CASR: variants seen among roughly 807,000 people sequenced by gnomAD.
CASR encodes extracellular calcium-sensing receptor.
A neutral mutation model predicts 69.1 loss-of-function variants in CASR; 23 were observed. The ratio of observed to expected loss-of-function variants is 0.33; its 90% CI spans 0.24 to 0.47. The LOEUF is 0.47. Among genes scored for constraint, CASR ranks in the 20% least tolerant of loss-of-function variants. CASR has a pLI of 1.00. For missense variants in CASR, 924 were observed against 1,356.1 expected, an observed-to-expected ratio of 0.68 and a Z score of 5.00; for synonymous variants, 541 against 544.7, an observed-to-expected ratio of 0.99 and a Z score of 0.10.
At chr3:122,251,609 G>C (rs2074484529) in intron 1 of CASR, among the ~76,000 whole-genome samples, 1 of 152,232 alleles carries the variant, frequency 6.6e-6, no homozygotes, top group East Asian at 1.9e-4. Flanking sequence ...AGGGACCAAG[G>C]AGGGGAACAG....
At chr3:122,249,049 C>T (rs992279793) in intron 1 of CASR, among the ~76,000 whole-genome samples, 3 of 152,140 alleles carry the variant, frequency 2.0e-5, no homozygotes, top group Non-Finnish European at 4.4e-5. Flanking sequence ...GTGGGGTGAC[C>T]CCTTCCTTGT....
chr3:122,278,727 A>G (rs895225498), intron 5 of CASR, among the ~76,000 whole-genome samples: 1 of 152,210 alleles, frequency 6.6e-6, no homozygotes, highest in Non-Finnish European at 1.5e-5. Context: ...CTTGACTGGT[A>G]TAAAGCAGAG....
At chr3:122,253,448 G>A (rs2074519561) in intron 1 of CASR, among the ~76,000 whole-genome samples, 1 of 152,120 alleles carries the variant, frequency 6.6e-6, no homozygotes, top group Non-Finnish European at 1.5e-5. Flanking sequence ...TCACCATGTT[G>A]GTCAAGCTGA....
intron 1 of CASR, among the ~76,000 whole-genome samples, chr3:122,195,803 T>C (rs1217361533): frequency 6.6e-6 from 1 of 152,214 alleles, no homozygotes; most frequent in Non-Finnish European, 1.5e-5. Context: ...ATGTAGTTTA[T>C]GGAATCTTTT....
chr3:122,283,032 G>A (rs2074911778), intron 6 of CASR, among the ~76,000 whole-genome samples: 1 of 152,200 alleles, frequency 6.6e-6, no homozygotes, highest in Non-Finnish European at 1.5e-5. Flanking sequence ...AGTTGAATGA[G>A]TCTGCAGCCT....
At chr3:122,273,761 A>G (rs1001036705) in intron 4 of CASR, among the ~76,000 whole-genome samples, 3 of 152,210 alleles carry the variant, frequency 2.0e-5, no homozygotes, top group Non-Finnish European at 4.4e-5. Flanking sequence ...GCTAAGAGCA[A>G]GGTTTCGAGC....
At chr3:122,186,602 G>GCA (rs1298542579) in intron 1 of CASR, among the ~76,000 whole-genome samples, 2 of 152,188 alleles carry the variant, frequency 1.3e-5, no homozygotes, top group African/African-American at 4.8e-5. Flanking sequence ...ATGCTTTGGG[G>GCA]TGGCAGCTGT....
At chr3:122,235,676 A>G (rs926324352) in intron 1 of CASR, among the ~76,000 whole-genome samples, 3 of 152,158 alleles carry the variant, frequency 2.0e-5, no homozygotes, top group Non-Finnish European at 4.4e-5. Flanking sequence ...ATGTTCCTAT[A>G]GTTTTAGTTA....
chr3:122,238,213 G>A (rs1222156435), intron 1 of CASR, among the ~76,000 whole-genome samples: 1 of 152,194 alleles, frequency 6.6e-6, no homozygotes, highest in African/African-American at 2.4e-5. Context: ...CCCCAGCAGT[G>A]GCCGTGTGGT....
chr3:122,208,855 A>G (rs775379534), intron 1 of CASR, among the ~76,000 whole-genome samples: 1 of 152,204 alleles, frequency 6.6e-6, no homozygotes, highest in African/African-American at 2.4e-5. Context: ...CTTGGAGAAA[A>G]AGGAAAGAGT....
At chr3:122,269,629 T>C (rs370968376) in intron 4 of CASR, among the ~76,000 whole-genome samples, 3 of 152,344 alleles carry the variant, frequency 2.0e-5, no homozygotes, top group South Asian at 2.1e-4. Flanking sequence ...TTTGCTTCTA[T>C]GTTCATGAGG....
chr3:122,190,981 C>G (rs1205888107), intron 1 of CASR, among the ~76,000 whole-genome samples: 1 of 152,230 alleles, frequency 6.6e-6, no homozygotes, highest in African/African-American at 2.4e-5. Flanking sequence ...TTACTCCTAG[C>G]TCTCTGCTCT....
intron 1 of CASR, among the ~76,000 whole-genome samples, chr3:122,214,203 T>G (rs2074094486): frequency 6.6e-6 from 1 of 152,202 alleles, no homozygotes; most frequent in African/African-American, 2.4e-5. Context: ...CGTTTGAAGA[T>G]TCTTTAATGG....
At chr3:122,252,445 G>GAAAGAAAA (rs1559954401) in intron 1 of CASR, among the ~76,000 whole-genome samples, 1 of 67,842 alleles carries the variant, frequency 1.5e-5, no homozygotes, top group Non-Finnish European at 2.8e-5. Flanking sequence ...AAGAAAGAAA[G>GAAAGAAAA]AAAAAAAAGA....
At chr3:122,238,036 A>G (rs2074345753) in intron 1 of CASR, among the ~76,000 whole-genome samples, 1 of 152,238 alleles carries the variant, frequency 6.6e-6, no homozygotes, top group African/African-American at 2.4e-5. Context: ...TCCCCCCTGC[A>G]GGAACACCAC....
intron 1 of CASR, among the ~76,000 whole-genome samples, chr3:122,235,230 G>T (rs1354162): frequency 0.08 from 12,132 of 152,256 alleles, 569 homozygotes; most frequent in Middle Eastern, 0.16. Context: ...TAAGTGTAAA[G>T]TAGAGCACCC....
chr3:122,184,903 G>A (rs968272449), intron 1 of CASR, among the ~76,000 whole-genome samples: 3 of 152,196 alleles, frequency 2.0e-5, no homozygotes, highest in Admixed American at 2.0e-4. Flanking sequence ...AGCTTTTACA[G>A]AGTGTATGAA....
Position 122,223,598 on chromosome 3 carries a change from C to T in CASR, c.-242-30350C>T, listed in dbSNP as rs541837390. Among the ~76,000 whole-genome samples, 11 of 152,262 alleles carry T rather than the reference C, an allele frequency of 7.2e-5. No homozygotes were observed. The South Asian group carries it at 2.3e-3, about 32-fold the overall frequency. On this transcript the variant is annotated intron_variant, in intron 1 of 6. Coordinates refer to ENST00000639785, the MANE Select transcript of CASR (RefSeq NM_000388.4). ...AAAAGCCCAGAGCCAGATGGATTCA[C>T]AGCCAAATTCTACCACATGTAAAAT... is the stretch of plus-strand genomic sequence containing the variant.
chr3:122,262,204 C>G lies in CASR; in HGVS notation c.1169C>G (p.Ala390Gly), dbSNP rs757533550. Residue 390 changes from alanine (A) to glycine (G), a missense_variant, in exon 4 of 7, where the codon GCC becomes GGC. Ala to Gly is a moderately conservative substitution (Grantham distance 60). Coordinates refer to ENST00000639785, the MANE Select transcript of CASR (RefSeq NM_000388.4). ...SGDRFSNSSTAFRPLCTGDEN... is the reference protein window; with the variant it reads ...SGDRFSNSSTGFRPLCTGDEN... ...GACAGGTTTAGCAACAGCTCGACAG[C>G]CTTCCGACCCCTCTGTACAGGGGAT... is the stretch of plus-strand genomic sequence containing the variant. 1.9e-6 allele frequency: 3 copies of G among 1,614,182 alleles called. No individual in the cohort carries two copies. The highest frequency in any genetic ancestry group is 2.5e-6 in the Non-Finnish European group (3 of 1,180,012).
Sources: allele counts gnomAD v4.1 joint callset (sites outside exome capture counted in the v4.1 genomes callset), GRCh38; gene constraint gnomAD v4.1.1; transcripts MANE v1.5; gene names NCBI Gene and HGNC (gene_info 2026-07-23, HGNC 2026-07-21).